The following TTC17 variants were observed in gnomAD, a reference collection of about 807,000 sequenced individuals.
TTC17 encodes the protein tetratricopeptide repeat protein 17.
A neutral mutation model predicts 143.8 loss-of-function variants in TTC17; 58 were observed. The ratio of observed to expected loss-of-function variants is 0.40; its 90% CI spans 0.33 to 0.50. The LOEUF is 0.50. Ranked by LOEUF, TTC17 falls within the 20% of genes least tolerant of loss-of-function variation. The pLI is 0.49. For missense variants in TTC17, 1,273 were observed against 1,392.5 expected (o/e 0.91, Z 1.37); for synonymous variants, 501 against 497.8 (o/e 1.01, Z -0.09).
chr11:43,360,779 A>G (rs995640642), intron 1 of TTC17, among the ~76,000 whole-genome samples: 8 of 151,676 alleles, frequency 5.3e-5, no homozygotes, highest in African/African-American at 1.7e-4. Context: ...GGGGGAAGGC[A>G]GGGGTTACTG....
At chr11:43,410,096 G>A (rs531528518) in intron 15 of TTC17, among the ~76,000 whole-genome samples, 141 of 152,062 alleles carry the variant, frequency 9.3e-4, no homozygotes, top group Non-Finnish European at 1.3e-3. Context: ...CAAGTGATCC[G>A]CCCGCCTTGA....
intron 2 of TTC17, among the ~76,000 whole-genome samples, chr11:43,381,644 C>T (rs558675016): frequency 1.3e-5 from 2 of 152,218 alleles, no homozygotes; most frequent in Admixed American, 6.5e-5. Flanking sequence ...CTTCAGTTTC[C>T]TGAATATCAT....
intron 21 of TTC17, among the ~76,000 whole-genome samples, chr11:43,462,510 G>A (rs1429532683): frequency 6.6e-6 from 1 of 152,176 alleles, no homozygotes; most frequent in East Asian, 1.9e-4. Context: ...GGAAGTAACA[G>A]ATTCTCTAGA....
chr11:43,441,395 TA>T (rs1947417605), intron 16 of TTC17, among the ~76,000 whole-genome samples: 1 of 152,110 alleles, frequency 6.6e-6, no homozygotes, highest in African/African-American at 2.4e-5. Context: ...TACATGCAAA[TA>T]TTTTTTCCCT....
At position 43,493,909 on chromosome 11, in the gene TTC17, CT is replaced by C. The variant is rs749168352; in HGVS notation, c.*7del. On this transcript the variant is annotated 3_prime_UTR_variant, in exon 24 of 24. Coordinates refer to ENST00000039989, the MANE Select transcript of TTC17 (RefSeq NM_018259.6). ...AAGGGACGGCGCTCTCCTTAGTGCA[CT>C]TCTTCCTTCTCTCTTTCTCTTTACT... The C allele has an allele frequency of 4.5e-6, 7 of 1,572,024 alleles. No individual in the cohort carries two copies. The highest frequency in any genetic ancestry group is 6.0e-6 in the Non-Finnish European group (7 of 1,157,164).
Position 43,391,539 on chromosome 11 carries a change from A to G in TTC17, c.494A>G (p.Glu165Gly), listed in dbSNP as rs748738609. The change falls in exon 4 of 24, where the codon GAA becomes GGA. Residue 165 changes from glutamate to glycine, a missense_variant. Around this residue, in one of 3 missense-constraint regions of TTC17, gnomAD observed 325 missense variants for 444.2 expected, o/e 0.73. Transcript: ENST00000039989. The stretch of plus-strand genomic sequence containing the variant: ...CAACCTGATTGTACTAAAATTCTAG[A>G]ACTTCCATATAGTATACATGCTTTT... ...PEQPDCTKILELPYSIHAFQH... is the reference protein window; with the variant it reads ...PEQPDCTKILGLPYSIHAFQH... The G allele has an allele frequency of 3.1e-6, 5 of 1,606,606 alleles. No individual in the cohort carries two copies. The South Asian group carries it at 5.6e-5, about 18-fold the overall frequency.
At chr11:43,440,630 T>G (rs1466204876) in intron 16 of TTC17, among the ~76,000 whole-genome samples, 1 of 152,182 alleles carries the variant, frequency 6.6e-6, no homozygotes, top group South Asian at 2.1e-4. Context: ...TTGGTCTCTT[T>G]GTCTTCTGTC....
rs1016295203 is a variant in TTC17 at position 43,436,365 on chromosome 11, G to T, written c.2252-6960G>T. 7.2e-6 allele frequency: 9 copies of T among 1,242,268 alleles called. No individual in the cohort carries two copies. In the African/African-American group the frequency reaches 1.4e-4, roughly 19 times the overall value. 77.0% of individuals were successfully genotyped at this position (1,242,268 alleles called of 1,614,324 possible). A position where few individuals can be genotyped will look rare whatever the true frequency, so the allele number is the denominator to read the frequency against. ...TTGATTTGACCTGAGCTGTGCTTCT[G>T]GGGAAAAATCAACTCTCAAGCTTTA... On this transcript the variant is annotated intron_variant, in intron 16 of 23. Coordinates refer to ENST00000039989, the MANE Select transcript of TTC17 (RefSeq NM_018259.6).
chr11:43,359,165 A>T, intron 1 of TTC17, 52 bp downstream of exon 1: 1 of 1,504,738 alleles, frequency 6.6e-7, no homozygotes, highest in Non-Finnish European at 8.9e-7. Context: ...CCCCGGGGGG[A>T]TTACCCTGCT....
At chr11:43,377,743 A>T in intron 1 of TTC17, among the ~76,000 whole-genome samples, 1 of 152,220 alleles carries the variant, frequency 6.6e-6, no homozygotes, top group East Asian at 1.9e-4. Context: ...CTATGGAAAT[A>T]TTATTAAACT....
In TTC17 at chr11:43,407,441, A is replaced by G. The variant is rs895928865; in HGVS notation, c.1928A>G (p.Gln643Arg). The change falls in exon 15 of 24, where the codon CAG (glutamine) becomes CGG (arginine). Residue 643 changes from glutamine (Q) to arginine (R), a missense_variant. Gln to Arg is a conservative substitution (Grantham distance 43). Around this residue, in one of 3 missense-constraint regions of TTC17, gnomAD observed 878 missense variants for 899.8 expected, o/e 0.98. Coordinates refer to ENST00000039989, the MANE Select transcript of TTC17 (RefSeq NM_018259.6). ...GNSTFAIACL[Q>R]RALNLAPLQY... ...AGCACTTTTGCTATTGCCTGTCTTC[A>G]GAGGGCTTTGAATTTAGCTCCACTT... 3 of 1,614,046 alleles carry G rather than the reference A, an allele frequency of 1.9e-6. No homozygotes were observed. Among genetic ancestry groups the G allele is most frequent in the Non-Finnish European group, 2.5e-6 (3 of 1,179,982 alleles).
chr11:43,359,743 C>A (rs924131543), intron 1 of TTC17, among the ~76,000 whole-genome samples: 4 of 152,234 alleles, frequency 2.6e-5, no homozygotes, highest in Non-Finnish European at 5.9e-5. Flanking sequence ...TTGCCTGCAT[C>A]TTTTCAGCTG....
At chr11:43,452,763 T>C (rs1947687572) in intron 21 of TTC17, among the ~76,000 whole-genome samples, 1 of 151,902 alleles carries the variant, frequency 6.6e-6, no homozygotes, top group Non-Finnish European at 1.5e-5. Context: ...AGCGAGACCC[T>C]ATCTCTACAA....
chr11:43,394,273 T>A (rs1857498346), intron 5 of TTC17, among the ~76,000 whole-genome samples: 1 of 152,180 alleles, frequency 6.6e-6, no homozygotes, highest in South Asian at 2.1e-4. Context: ...GGGTCTGAAA[T>A]CCAGGGTAAG....
chr11:43,430,709 G>GCGCACA lies in TTC17; in HGVS notation c.2252-12615_2252-12614insGCACAC, dbSNP rs1554994150. 5.4e-4 allele frequency among the ~76,000 whole-genome samples: 75 copies of GCGCACA among 138,536 alleles called. 1 individual carries two copies. Among genetic ancestry groups the GCGCACA allele is most frequent in the Middle Eastern group, 3.6e-3 (1 of 276 alleles). 90.9% of individuals were successfully genotyped at this position (138,536 alleles called of 152,430 possible). Reference sequence around the variant, plus strand: ...TGCCCCCAGCATCCCCTACATACACGCACACACACACACACACACACACAC... The same window carrying GCGCACA: ...TGCCCCCAGCATCCCCTACATACACGCGCACACACACACACACACACACACACACAC... On this transcript the variant is annotated intron_variant, in intron 16 of 23. Coordinates refer to ENST00000039989, the MANE Select transcript of TTC17 (RefSeq NM_018259.6).
intron 16 of TTC17, among the ~76,000 whole-genome samples, chr11:43,438,967 T>C (rs1947353999): frequency 6.6e-6 from 1 of 152,230 alleles, no homozygotes; most frequent in African/African-American, 2.4e-5. Context: ...AAGTCTTTCC[T>C]AATATTGAGC....
At chr11:43,470,281 A>G (rs1437596892) in intron 21 of TTC17, among the ~76,000 whole-genome samples, 1 of 152,220 alleles carries the variant, frequency 6.6e-6, no homozygotes, top group African/African-American at 2.4e-5. Context: ...ACCTTAGTCC[A>G]GGGGCCATTC....
intron 16 of TTC17, among the ~76,000 whole-genome samples, chr11:43,418,864 T>G (rs181818031): frequency 2.7e-4 from 41 of 152,302 alleles, no homozygotes; most frequent in African/African-American, 9.9e-4. Flanking sequence ...CCGTAAAATA[T>G]TTTTGAAATA....
At chr11:43,452,354 G>T (rs1947675263) in intron 21 of TTC17, among the ~76,000 whole-genome samples, 1 of 152,090 alleles carries the variant, frequency 6.6e-6, no homozygotes, top group Non-Finnish European at 1.5e-5. Context: ...ACAAAAATCA[G>T]CCGGGTGCGG....
Sources: gnomAD v4.1 joint callset for allele counts (sites outside exome capture counted in the v4.1 genomes callset) on GRCh38, gnomAD v4.1.1 for gene constraint, gnomAD v4.1.1 regional missense constraint, MANE v1.5 for transcripts, NCBI Gene and HGNC (gene_info 2026-07-23, HGNC 2026-07-21) for gene names.